The following DYM variants were observed in gnomAD, a reference collection of about 807,000 sequenced individuals.
The protein encoded by DYM is dymeclin.
A neutral mutation model predicts 93.1 loss-of-function variants in DYM; 78 were observed. That is an observed-to-expected ratio of 0.84 (90% CI 0.70 to 1.01). DYM has a LOEUF of 1.01. Among genes scored for constraint, DYM ranks in the 50% least tolerant of loss-of-function variants. The probability of loss-of-function intolerance (pLI) is 0.00; values close to 1 mark genes in which losing one functional copy is unlikely to be tolerated. For synonymous variants in DYM, 321 were observed against 319.7 expected, an observed-to-expected ratio of 1.00 and a Z score of -0.04; for missense variants, 789 against 845.0, an observed-to-expected ratio of 0.93 and a Z score of 0.82.
At chr18:49,445,210 G>C (rs2081995039) in intron 1 of DYM, among the ~76,000 whole-genome samples, 1 of 152,040 alleles carries the variant, frequency 6.6e-6, no homozygotes, top group Admixed American at 6.6e-5. Flanking sequence ...GGCTGATAAA[G>C]CCTGAAATAT....
chr18:49,216,174 T>G (rs930773215), intron 13 of DYM, among the ~76,000 whole-genome samples: 1 of 152,106 alleles, frequency 6.6e-6, no homozygotes, highest in African/African-American at 2.4e-5. Context: ...GAGATCAAAC[T>G]GCAAGGTGGC....
intron 6 of DYM, among the ~76,000 whole-genome samples, chr18:49,359,130 C>T (rs1183008906): frequency 6.6e-6 from 1 of 152,136 alleles, no homozygotes; most frequent in Non-Finnish European, 1.5e-5. Flanking sequence ...TCTGTTAGAA[C>T]ACTCCATATT....
At chr18:49,062,982 T>A (rs561337019) in intron 17 of DYM, among the ~76,000 whole-genome samples, 1 of 152,350 alleles carries the variant, frequency 6.6e-6, no homozygotes, top group African/African-American at 2.4e-5. Flanking sequence ...GTGCAGGAGC[T>A]TTCTGTGTCT....
At chr18:49,306,120 G>A (rs546731675) in intron 8 of DYM, among the ~76,000 whole-genome samples, 11 of 152,186 alleles carry the variant, frequency 7.2e-5, no homozygotes, top group Admixed American at 1.3e-4. Flanking sequence ...CCAAAATGCA[G>A]ATGGAAGAGA....
At chr18:49,282,199 C>G in intron 9 of DYM, 24 bp from the exon 10 acceptor site, 1 of 1,601,240 alleles carries the variant, frequency 6.2e-7, no homozygotes, top group Non-Finnish European at 8.6e-7. Context: ...AACAGCACAT[C>G]AGTAATTTCT....
chr18:49,427,787 T>TA (rs987340579), intron 2 of DYM, among the ~76,000 whole-genome samples: 2 of 151,976 alleles, frequency 1.3e-5, no homozygotes, highest in African/African-American at 4.8e-5. Flanking sequence ...CACTCAGCAA[T>TA]AAAAAGGAAT....
chr18:49,381,805 T>C (rs910328554), intron 3 of DYM, among the ~76,000 whole-genome samples: 2 of 152,028 alleles, frequency 1.3e-5, no homozygotes, highest in South Asian at 2.1e-4. Context: ...TGTGATCAGA[T>C]AGTAGATAAT....
chr18:49,314,527 C>G (rs920466737), intron 8 of DYM, among the ~76,000 whole-genome samples: 79 of 152,174 alleles, frequency 5.2e-4, no homozygotes, highest in African/African-American at 1.9e-3. Context: ...TTCAGTTTTA[C>G]TAAATAAAGA....
chr18:49,357,304 G>A (rs2065649084), intron 6 of DYM, among the ~76,000 whole-genome samples: 1 of 152,002 alleles, frequency 6.6e-6, no homozygotes, highest in Non-Finnish European at 1.5e-5. Context: ...TTCACAATAT[G>A]TTTTTGAGGA....
intron 17 of DYM, among the ~76,000 whole-genome samples, chr18:49,050,045 T>C (rs1323078410): frequency 6.6e-6 from 1 of 151,722 alleles, no homozygotes; most frequent in Non-Finnish European, 1.5e-5. Flanking sequence ...GGAGTGGGTT[T>C]ATGGTTATGA....
At chr18:49,287,145 C>T (rs1251858981) in intron 8 of DYM, among the ~76,000 whole-genome samples, 1 of 151,902 alleles carries the variant, frequency 6.6e-6, no homozygotes, top group African/African-American at 2.4e-5. Flanking sequence ...TGAGATCATG[C>T]CACTCCACTC....
At chr18:49,231,653 A>G (rs1315529484) in intron 13 of DYM, among the ~76,000 whole-genome samples, 2 of 152,246 alleles carry the variant, frequency 1.3e-5, no homozygotes, top group Non-Finnish European at 2.9e-5. Context: ...TATTAGGATC[A>G]GCATGTTTCC....
chr18:49,272,006 G>GGA (rs1555671145), intron 11 of DYM, among the ~76,000 whole-genome samples, 172 bp downstream of exon 11: 69 of 134,552 alleles, frequency 5.1e-4, no homozygotes, highest in East Asian at 1.7e-3. Flanking sequence ...AGTCATTCTG[G>GGA]AAAAAAAAAA....
intron 2 of DYM, among the ~76,000 whole-genome samples, chr18:49,426,600 C>G (rs1012008323): frequency 6.6e-6 from 1 of 151,564 alleles, no homozygotes; most frequent in Non-Finnish European, 1.5e-5. Context: ...AAACAGTTCA[C>G]GGAAAAGGAA....
At chr18:49,052,662 C>T (rs953465907) in intron 17 of DYM, among the ~76,000 whole-genome samples, 2 of 152,240 alleles carry the variant, frequency 1.3e-5, no homozygotes, top group African/African-American at 4.8e-5. Context: ...GCCCCGGCTG[C>T]TCAGGTATCG....
At chr18:49,221,504 G>T (rs952691410) in intron 13 of DYM, among the ~76,000 whole-genome samples, 1 of 151,610 alleles carries the variant, frequency 6.6e-6, no homozygotes, top group Admixed American at 6.6e-5. Flanking sequence ...TTGGAACCAA[G>T]CCAAATGTCC....
intron 13 of DYM, among the ~76,000 whole-genome samples, chr18:49,214,150 G>C (rs1026394952): frequency 8.5e-5 from 13 of 152,184 alleles, no homozygotes; most frequent in African/African-American, 3.1e-4. Flanking sequence ...CATAGAACCA[G>C]GGTTCCCATC....
intron 15 of DYM, among the ~76,000 whole-genome samples, chr18:49,147,260 C>T (rs1414604617): frequency 6.6e-6 from 1 of 152,002 alleles, no homozygotes; most frequent in Admixed American, 6.6e-5. Context: ...AAAACCTAGG[C>T]AATACCATTC....
intron 2 of DYM, among the ~76,000 whole-genome samples, chr18:49,401,692 C>T (rs2070847520): frequency 6.6e-6 from 1 of 151,978 alleles, no homozygotes; most frequent in Admixed American, 6.6e-5. Context: ...CTTCATTGGG[C>T]TACCCGGAAG....
Sources: gnomAD v4.1 joint callset for allele counts (sites outside exome capture counted in the v4.1 genomes callset) on GRCh38, gnomAD v4.1.1 for gene constraint, MANE v1.5 for transcripts, NCBI Gene and HGNC (gene_info 2026-07-23, HGNC 2026-07-21) for gene names.